Variants in SYNPO observed in about 807,000 individuals in gnomAD.
The protein encoded by SYNPO is synaptopodin.
SYNPO carries 19 observed loss-of-function variants against 49.5 expected under a neutral mutation model. The ratio of observed to expected loss-of-function variants is 0.38; its 90% CI spans 0.27 to 0.56. SYNPO has a LOEUF of 0.56. Ranked by LOEUF, SYNPO falls within the 20% of genes least tolerant of loss-of-function variation. The pLI, the probability that SYNPO is intolerant of heterozygous loss-of-function variation, is 0.68. For synonymous variants in SYNPO, 536 were observed against 548.0 expected (o/e 0.98, Z 0.31); for missense variants, 1,131 against 1,248.3 (o/e 0.91, Z 1.42).
chr5:150,602,756 GT>G (rs1366024990), intron 1 of SYNPO, among the ~76,000 whole-genome samples: 1 of 152,016 alleles, frequency 6.6e-6, no homozygotes, highest in South Asian at 2.1e-4. Flanking sequence ...GCTCAGGCTG[GT>G]CTCAAACACC....
chr5:150,648,137 G>A lies in SYNPO; in HGVS notation c.-139G>A. 6.4e-7 allele frequency: 1 copy of A among 1,552,846 alleles called. No homozygotes were observed. Among genetic ancestry groups the A allele is most frequent in the Non-Finnish European group, 8.7e-7 (1 of 1,147,574 alleles). ...GCCAGAGGGGACAGAAGCCCAGCCAGGAGTCCCTCAGAGTGCTCCCTTCAA... is the reference window on the plus strand; with the variant it reads ...GCCAGAGGGGACAGAAGCCCAGCCAAGAGTCCCTCAGAGTGCTCCCTTCAA... On this transcript the variant is annotated 5_prime_UTR_variant, in exon 2 of 3. Transcript: ENST00000307662. This position sits in a 1 kb window ranked among gnomAD's most constrained non-coding sequence, Gnocchi z 5.0.
intron 1 of SYNPO, among the ~76,000 whole-genome samples, chr5:150,601,846 G>A (rs1756551095): frequency 1.3e-5 from 2 of 152,182 alleles, no homozygotes; most frequent in Admixed American, 6.5e-5. Flanking sequence ...CAGTCTTCTG[G>A]CACCTGCACA....
intron 1 of SYNPO, among the ~76,000 whole-genome samples, chr5:150,643,302 G>C (rs1162633855): frequency 1.3e-5 from 2 of 152,210 alleles, no homozygotes; most frequent in African/African-American, 4.8e-5. Flanking sequence ...CATCAATAAA[G>C]TGTGCATAAT....
At chr5:150,640,336 C>T (rs1014448590), upstream of SYNPO, among the ~76,000 whole-genome samples, 2 of 152,162 alleles carry the variant, frequency 1.3e-5, no homozygotes, top group Admixed American at 6.5e-5. Context: ...TCTGTGCAAA[C>T]GCTGCTTTGC....
In SYNPO at chr5:150,649,302, C is replaced by T. The variant is rs373996284; in HGVS notation, c.1027C>T (p.Leu343=). 2.5e-6 allele frequency: 4 copies of T among 1,614,232 alleles called. No homozygotes were observed. The African/African-American group carries it at 5.3e-5, about 22-fold the overall frequency. The change falls in exon 2 of 3, where the codon CTG becomes TTG. Residue 343 remains leucine (L), a synonymous_variant. Coordinates refer to ENST00000307662, the MANE Select transcript of SYNPO (RefSeq NM_007286.6). ...GAGGTCTCCTCCCTCATATTCTGTC[C>T]TGTATCCCAGCTCCGACCCCAAGTC... is the stretch of plus-strand genomic sequence containing the variant. The part of the protein sequence containing the change: ...WVRSPPSYSV[L]YPSSDPKSSH...
At chr5:150,590,785 C>T in the SYNPO span, among the ~76,000 whole-genome samples, 1 of 152,104 alleles carries the variant, frequency 6.6e-6, no homozygotes, top group Admixed American at 6.5e-5. Context: ...CGTGAAGGGT[C>T]TCGAAAAGGA....
Position 150,632,107 on chromosome 5 carries a change from C to T in SYNPO, c.400+13340C>T, listed in dbSNP as rs76415839. On this transcript the variant is annotated intron_variant, in intron 2 of 2. Transcript: ENST00000394243. ...GCATCCTGAGCCCAGCTCTGCTGTACGCTCTAGGGCACACCCCTTTTTCTC... is the reference window on the plus strand; with the variant it reads ...GCATCCTGAGCCCAGCTCTGCTGTATGCTCTAGGGCACACCCCTTTTTCTC... Among the ~76,000 whole-genome samples the T allele has an allele frequency of 0.015, 2,234 of 152,174 alleles. 105 individuals carry two copies. The East Asian group carries it at 0.19, about 13-fold the overall frequency.
At chr5:150,596,927 C>G (rs11740170), upstream of SYNPO, among the ~76,000 whole-genome samples, 60,907 of 151,822 alleles carry the variant, frequency 0.4, 12,452 homozygotes, top group Middle Eastern at 0.5. Flanking sequence ...GCTGGAAAGC[C>G]TCATGACTTC....
intron 1 of SYNPO, among the ~76,000 whole-genome samples, chr5:150,645,774 TTTC>T (rs1474762295): frequency 1.3e-5 from 2 of 152,224 alleles, no homozygotes; most frequent in African/African-American, 2.4e-5. Flanking sequence ...TGAACCTCCG[TTTC>T]TTCTTCTGTA....
Position 150,648,812 on chromosome 5 carries a change from C to T in SYNPO, c.537C>T (p.Ser179=). The change falls in exon 2 of 3, where the codon AGC becomes AGT. Residue 179 remains serine (S), a synonymous_variant. Transcript: ENST00000307662. The surrounding 1 kb of genome is among the most constrained non-coding windows in gnomAD (Gnocchi z 5.0). ...CCAGAGAAGCTACGCTCATCCCCAG[C>T]TCCAGGCCCCCAGCCTCAGATTTCA... ...TFSREATLIP[S]SRPPASDFMS... 6 of 1,614,260 alleles carry T rather than the reference C, an allele frequency of 3.7e-6. No individual in the cohort carries two copies. Among genetic ancestry groups the T allele is most frequent in the Non-Finnish European group, 5.1e-6 (6 of 1,180,046 alleles).
At chr5:150,608,713 C>A (rs924018901) in intron 1 of SYNPO, among the ~76,000 whole-genome samples, 2 of 152,080 alleles carry the variant, frequency 1.3e-5, no homozygotes, top group Non-Finnish European at 2.9e-5. Flanking sequence ...GAACAACCTG[C>A]GAAGCTTCAA....
chr5:150,618,872 T>G (rs1757061685), intron 2 of SYNPO: 1 of 1,387,476 alleles, frequency 7.2e-7, no homozygotes, highest in Non-Finnish European at 9.8e-7. Flanking sequence ...CCACAGTAAT[T>G]CATCACAGTC....
upstream of SYNPO, among the ~76,000 whole-genome samples, chr5:150,597,637 T>C (rs948120221): frequency 5.4e-5 from 8 of 148,466 alleles, no homozygotes; most frequent in Non-Finnish European, 8.9e-5. Context: ...CCCAGCCAGG[T>C]TTTTCTGGTT....
chr5:150,649,214 G>A lies in SYNPO; in HGVS notation c.939G>A (p.Gly313=). The stretch of plus-strand genomic sequence containing the variant: ...CGGCCTCAGAGAGACGCCCCTTGGG[G>A]AACTTCACTGCACCCCCCACCTACA... The part of the protein sequence containing the change: ...RSPASERRPL[G]NFTAPPTYTE... Residue 313 remains glycine (G), a synonymous_variant, in exon 2 of 3, where the codon GGG becomes GGA. Transcript: ENST00000307662. The A allele has an allele frequency of 6.2e-7, 1 of 1,614,064 alleles. No homozygotes were observed. The highest frequency in any genetic ancestry group is 8.5e-7 in the Non-Finnish European group (1 of 1,180,004).
Position 150,656,662 on chromosome 5 carries a change from A to C in SYNPO, c.2287A>C (p.Asn763His). Reference protein sequence around the residue: ...LQALLARNIINAARRKSASPR... With the variant: ...LQALLARNIIHAARRKSASPR... Reference sequence around the variant, plus strand: ...GGCGCTTCTGGCGCGAAACATCATCAATGCGGCCCGGCGCAAGAGCGCCTC... The same window carrying C: ...GGCGCTTCTGGCGCGAAACATCATCCATGCGGCCCGGCGCAAGAGCGCCTC... The change falls in exon 3 of 3, where the codon AAT becomes CAT. Residue 763 changes from asparagine to histidine, a missense_variant. By Grantham distance (68) the Asn-to-His change is moderately conservative. This residue lies in a region of SYNPO where 509 missense variants were observed against 484.5 expected (regional missense o/e 1.05). Transcript: ENST00000307662. 6.7e-7 allele frequency: 1 copy of C among 1,497,888 alleles called. No homozygotes were observed. Among genetic ancestry groups the C allele is most frequent in the Non-Finnish European group, 8.8e-7 (1 of 1,131,410 alleles). The allele number at this position is 1,497,888 out of a possible 1,614,324, so 92.8% of individuals were successfully genotyped here. A position where few individuals can be genotyped will look rare whatever the true frequency, so the allele number is the denominator to read the frequency against.
Position 150,648,818 on chromosome 5 carries a change from G to A in SYNPO, c.543G>A (p.Arg181=), listed in dbSNP as rs745358433. The A allele has an allele frequency of 5.9e-5, 95 of 1,613,994 alleles. 1 individual carries two copies. In the Admixed American group the frequency reaches 1.6e-3, roughly 27 times the overall value. ...AAGCTACGCTCATCCCCAGCTCCAG[G>A]CCCCCAGCCTCAGATTTCATGTCCA... ...SREATLIPSS[R]PPASDFMSSS... is the part of the protein sequence containing the mutation. The change falls in exon 2 of 3, where the codon AGG becomes AGA. Residue 181 remains arginine (R), a synonymous_variant. Transcript: ENST00000307662. This position sits in a 1 kb window ranked among gnomAD's most constrained non-coding sequence, Gnocchi z 5.0.
At chr5:150,606,865 T>C (rs911818805) in intron 1 of SYNPO, among the ~76,000 whole-genome samples, 10 of 152,360 alleles carry the variant, frequency 6.6e-5, no homozygotes, top group African/African-American at 2.2e-4. Flanking sequence ...CCCCAACTCC[T>C]GAGCCTGTAC....
chr5:150,647,321 A>G (rs964986235), intron 1 of SYNPO, among the ~76,000 whole-genome samples: 6 of 152,104 alleles, frequency 3.9e-5, no homozygotes, highest in African/African-American at 1.4e-4. Context: ...GATAATAGAC[A>G]GGGAAACATA....
intron 1 of SYNPO, among the ~76,000 whole-genome samples, chr5:150,642,427 G>T (rs954860737): frequency 1.2e-4 from 18 of 152,190 alleles, no homozygotes; most frequent in African/African-American, 4.1e-4. Context: ...GAGGCGGTGG[G>T]GACATCATGA....
Sources: allele counts gnomAD v4.1 joint callset (sites outside exome capture counted in the v4.1 genomes callset), GRCh38; gene constraint gnomAD v4.1.1; regional missense constraint gnomAD v4.1.1; non-coding constraint Gnocchi (gnomAD v3.1); transcripts MANE v1.5; gene names NCBI Gene and HGNC (gene_info 2026-07-23, HGNC 2026-07-21).